The following ROBO2 variants were observed in gnomAD, a reference collection of about 807,000 sequenced individuals.
The protein encoded by ROBO2 is roundabout homolog 2.
Under a neutral mutation model 160.8 loss-of-function variants are expected in ROBO2, and 53 were observed. The ratio of observed to expected loss-of-function variants is 0.33; its 90% CI spans 0.26 to 0.41. The LOEUF is 0.41. Ranked by LOEUF, ROBO2 falls within the 10% of genes least tolerant of loss-of-function variation. The pLI is 1.00. For synonymous variants in ROBO2, 664 were observed against 611.7 expected, an observed-to-expected ratio of 1.09 and a Z score of -1.26; for missense variants, 1,577 against 1,722.4, an observed-to-expected ratio of 0.92 and a Z score of 1.49.
intron 2 of ROBO2, among the ~76,000 whole-genome samples, chr3:76,700,541 G>C (rs1467872502): frequency 6.6e-6 from 1 of 152,080 alleles, no homozygotes; most frequent in Non-Finnish European, 1.5e-5. Flanking sequence ...GCAAAGCTGG[G>C]CTCCGACAGT....
At chr3:76,493,769 AC>A (rs749152407) in intron 2 of ROBO2, among the ~76,000 whole-genome samples, 54 of 152,150 alleles carry the variant, frequency 3.5e-4, no homozygotes, top group Non-Finnish European at 6.0e-4. Flanking sequence ...TTTGTCTTGT[AC>A]CTCTGCGAGG....
chr3:77,134,886 T>A (rs1405479992), intron 2 of ROBO2, among the ~76,000 whole-genome samples: 1 of 152,206 alleles, frequency 6.6e-6, no homozygotes, highest in Non-Finnish European at 1.5e-5. Context: ...TTGATTTTCC[T>A]CTACTGTGGA....
chr3:77,180,553 A>G (rs958066399), intron 2 of ROBO2, among the ~76,000 whole-genome samples: 3 of 149,540 alleles, frequency 2.0e-5, no homozygotes, highest in Non-Finnish European at 4.4e-5. Flanking sequence ...CTCCTGCCTC[A>G]GTCTCCCAAG....
chr3:77,584,032 T>C (rs2093981515), intron 16 of ROBO2, among the ~76,000 whole-genome samples: 1 of 152,184 alleles, frequency 6.6e-6, no homozygotes, highest in African/African-American at 2.4e-5. Flanking sequence ...CTTAAACCTG[T>C]GCTTTCACCA....
At chr3:76,733,487 T>C (rs1437533853) in intron 2 of ROBO2, among the ~76,000 whole-genome samples, 1 of 152,258 alleles carries the variant, frequency 6.6e-6, no homozygotes, top group Non-Finnish European at 1.5e-5. Context: ...TTAGCAATGA[T>C]GTCTACATCT....
At chr3:76,355,169 T>C (rs938722708) in intron 2 of ROBO2, among the ~76,000 whole-genome samples, 1 of 151,716 alleles carries the variant, frequency 6.6e-6, no homozygotes, top group South Asian at 2.1e-4. Context: ...CCACACATTT[T>C]AATCAGTATT....
intron 2 of ROBO2, among the ~76,000 whole-genome samples, chr3:76,548,839 C>T (rs903540641): frequency 2.0e-5 from 3 of 151,952 alleles, no homozygotes; most frequent in Admixed American, 1.3e-4. Context: ...CATTCAATTA[C>T]CAGAAAAATG....
chr3:77,532,244 A>G (rs1436452387), intron 6 of ROBO2, among the ~76,000 whole-genome samples: 1 of 151,902 alleles, frequency 6.6e-6, no homozygotes, highest in Non-Finnish European at 1.5e-5. Flanking sequence ...CTTGGTAAAA[A>G]TGTCCTATTG....
chr3:76,315,347 G>A (rs2071924589), intron 2 of ROBO2, among the ~76,000 whole-genome samples: 1 of 152,148 alleles, frequency 6.6e-6, no homozygotes, highest in Non-Finnish European at 1.5e-5. Context: ...AATTACAGCA[G>A]CCAGTTATCT....
At chr3:77,454,170 CTTAT>C (rs1300782991) in intron 2 of ROBO2, among the ~76,000 whole-genome samples, 2 of 149,456 alleles carry the variant, frequency 1.3e-5, no homozygotes, top group Non-Finnish European at 3.0e-5. Context: ...TATTTGCTAG[CTTAT>C]TTCTCTTCTT....
intron 2 of ROBO2, among the ~76,000 whole-genome samples, chr3:76,154,389 A>AT (rs1315289730): frequency 1.3e-5 from 2 of 152,152 alleles, no homozygotes; most frequent in Non-Finnish European, 2.9e-5. Context: ...TTTTAAGATG[A>AT]TTACACTACC....
chr3:76,800,903 C>A (rs996333803), intron 2 of ROBO2, among the ~76,000 whole-genome samples: 8 of 152,046 alleles, frequency 5.3e-5, no homozygotes, highest in African/African-American at 1.9e-4. Context: ...GCTAGGTATA[C>A]CCCCTGCAAA....
chr3:76,126,102 C>T (rs2108312759), intron 2 of ROBO2, among the ~76,000 whole-genome samples: 1 of 152,304 alleles, frequency 6.6e-6, no homozygotes, highest in Non-Finnish European at 1.5e-5. Context: ...GCGTGAGCCA[C>T]TGCACCCAGC....
At chr3:75,997,791 C>A (rs1007282082) in intron 2 of ROBO2, among the ~76,000 whole-genome samples, 1 of 152,126 alleles carries the variant, frequency 6.6e-6, no homozygotes, top group Non-Finnish European at 1.5e-5. Flanking sequence ...CCGCGCCCGG[C>A]AAGTGGTATC....
chr3:76,188,905 AT>A (rs774727718), intron 2 of ROBO2, among the ~76,000 whole-genome samples: 5 of 152,126 alleles, frequency 3.3e-5, no homozygotes, highest in African/African-American at 7.2e-5. Context: ...AGGAAAAGGA[AT>A]AGCTCAGTAA....
chr3:76,158,810 G>C (rs1014375227), intron 2 of ROBO2, among the ~76,000 whole-genome samples: 1 of 152,104 alleles, frequency 6.6e-6, no homozygotes, highest in Non-Finnish European at 1.5e-5. Flanking sequence ...CTAATTTCCT[G>C]AGTCAAACTA....
chr3:76,154,489 A>G (rs1303112595), intron 2 of ROBO2, among the ~76,000 whole-genome samples: 1 of 152,156 alleles, frequency 6.6e-6, no homozygotes, highest in African/African-American at 2.4e-5. Flanking sequence ...CTGAAGGTGG[A>G]TAAAATAAAC....
At chr3:76,540,677 T>C (rs1350568222) in intron 2 of ROBO2, among the ~76,000 whole-genome samples, 1 of 152,210 alleles carries the variant, frequency 6.6e-6, no homozygotes, top group East Asian at 1.9e-4. Flanking sequence ...CCCTTGTCAT[T>C]TGCCTTATTC....
chr3:77,431,049 T>C (rs1408296906), intron 2 of ROBO2, among the ~76,000 whole-genome samples: 1 of 152,234 alleles, frequency 6.6e-6, no homozygotes, highest in African/African-American at 2.4e-5. Flanking sequence ...TGATATTAAT[T>C]ACATTCTTTA....
Sources: gnomAD v4.1 joint callset for allele counts (sites outside exome capture counted in the v4.1 genomes callset) on GRCh38, gnomAD v4.1.1 for gene constraint, MANE v1.5 for transcripts, NCBI Gene and HGNC (gene_info 2026-07-23, HGNC 2026-07-21) for gene names.